The following DGKB variants were observed in gnomAD, a reference collection of about 807,000 sequenced individuals.
DGKB encodes the protein diacylglycerol kinase beta, also known as 90 kDa diacylglycerol kinase.
DGKB carries 67 observed loss-of-function variants against 114.3 expected under a neutral mutation model. That is an observed-to-expected ratio of 0.59 (90% CI 0.48 to 0.72). The LOEUF (loss-of-function observed/expected upper bound fraction) is 0.72, where lower values mean the gene tolerates loss of function less well. Ranked by LOEUF, DGKB falls within the 30% of genes least tolerant of loss-of-function variation. The probability of loss-of-function intolerance (pLI) is 0.00; values close to 1 mark genes in which losing one functional copy is unlikely to be tolerated. For missense variants in DGKB, 907 were observed against 975.2 expected (o/e 0.93, Z 0.93); for synonymous variants, 398 against 323.1 (o/e 1.23, Z -2.49).
intron 21 of DGKB, among the ~76,000 whole-genome samples, chr7:14,402,467 A>G (rs2128728487): frequency 6.6e-6 from 1 of 151,900 alleles, no homozygotes; most frequent in Non-Finnish European, 1.5e-5. Context: ...CTAGTCTACA[A>G]TTTAGGAATT....
rs201521930 is a variant in DGKB, at chr7:14,825,014, A to ATGTGTG, written c.70+16179_70+16180insCACACA. Among the ~76,000 whole-genome samples, 298 of 77,984 alleles carry ATGTGTG rather than the reference A, an allele frequency of 3.8e-3. 3 individuals are homozygous for ATGTGTG. The highest frequency in any genetic ancestry group is 0.018 in the African/African-American group (292 of 16,306). 51.2% of individuals were successfully genotyped at this position (77,984 alleles called of 152,430 possible). On this transcript the variant is annotated intron_variant, in intron 2 of 25. Transcript: ENST00000402815. ...TGTGTGTATATATATATGTATGTGTATGTATATATATATATATATATATAT... is the reference window on the plus strand; with the variant it reads ...TGTGTGTATATATATATGTATGTGTATGTGTGTGTATATATATATATATATATATAT...
intron 23 of DGKB, among the ~76,000 whole-genome samples, chr7:14,201,638 A>C (rs1785904409): frequency 6.6e-6 from 1 of 151,926 alleles, no homozygotes; most frequent in South Asian, 2.1e-4. Context: ...GGGGAAAAGC[A>C]AGTAGGAAAG....
chr7:14,522,261 T>C (rs1789908214), intron 20 of DGKB, among the ~76,000 whole-genome samples: 1 of 152,150 alleles, frequency 6.6e-6, no homozygotes, highest in Non-Finnish European at 1.5e-5. Context: ...CGCACATGCA[T>C]AGATAGGCTT....
intron 1 of DGKB, among the ~76,000 whole-genome samples, chr7:14,948,553 G>C (rs1372785476): frequency 6.6e-6 from 1 of 151,848 alleles, no homozygotes; most frequent in East Asian, 1.9e-4. Context: ...TTCCAGGAAT[G>C]TGAAGAAGTT....
chr7:14,335,347 A>G (rs1451153765), intron 23 of DGKB, among the ~76,000 whole-genome samples: 6 of 152,168 alleles, frequency 3.9e-5, no homozygotes, highest in Non-Finnish European at 7.4e-5. Context: ...AAATAAAATA[A>G]TTACCTTTAT....
intron 23 of DGKB, among the ~76,000 whole-genome samples, chr7:14,334,358 A>C (rs1222386369): frequency 7.9e-6 from 1 of 126,660 alleles, no homozygotes; most frequent in African/African-American, 3.1e-5. Context: ...ATATGTATAT[A>C]CATATGTGTG....
At position 14,753,418 on chromosome 7, in the gene DGKB, C is replaced by T. The variant is rs1023709993; in HGVS notation, c.168+510G>A. Among the ~76,000 whole-genome samples the T allele has an allele frequency of 9.9e-5, 15 of 152,200 alleles. 1 individual carries two copies. The East Asian group carries it at 2.9e-3, about 29-fold the overall frequency. On this transcript the variant is annotated intron_variant, in intron 4 of 25. Coordinates refer to ENST00000402815, the MANE Select transcript of DGKB (RefSeq NM_001350709.2). ...AGATTTTCAGGGAGAGTGGTTGAAG[C>T]AACAGATTGAATAATCTTCCCAGGA...
rs11983049 is a variant in DGKB at position 14,942,613 on chromosome 7, T to G, written c.-188+32083A>C. The stretch of plus-strand genomic sequence containing the variant: ...ACCTGGTATCTCTTCCATCTACCAC[T>G]CTTCCTCCAGTTTAAAGCGCTCCGG... On this transcript the variant is annotated intron_variant, in intron 1 of 4. Transcript: ENST00000437998. Among the ~76,000 whole-genome samples the G allele has an allele frequency of 2.9e-3, 437 of 152,098 alleles. 2 individuals are homozygous for G. The highest frequency in any genetic ancestry group is 9.9e-3 in the African/African-American group (410 of 41,536).
intron 25 of DGKB, among the ~76,000 whole-genome samples, chr7:14,160,516 G>C (rs1484625093): frequency 6.6e-6 from 1 of 152,118 alleles, no homozygotes; most frequent in East Asian, 1.9e-4. Flanking sequence ...ATTGGCAATT[G>C]CTACAAAGAG....
chr7:14,519,803 A>C lies in DGKB; in HGVS notation c.1771-41578T>G, dbSNP rs528710407. Among the ~76,000 whole-genome samples the C allele has an allele frequency of 1.2e-3, 177 of 152,088 alleles. 1 individual carries two copies. The highest frequency in any genetic ancestry group is 4.2e-3 in the African/African-American group (176 of 41,538). The stretch of plus-strand genomic sequence containing the variant: ...TTAATTTGCATTTCTTTAATTATTA[A>C]TAATGTTGATCACATCTTCATTTTC... On this transcript the variant is annotated intron_variant, in intron 20 of 25. Coordinates refer to ENST00000402815, the MANE Select transcript of DGKB (RefSeq NM_001350709.2).
chr7:14,744,069 A>G (rs536150668), intron 4 of DGKB, among the ~76,000 whole-genome samples: 22 of 152,278 alleles, frequency 1.4e-4, no homozygotes, highest in African/African-American at 5.1e-4. Flanking sequence ...TGCTTGAAAC[A>G]TTGCTGGTCC....
In DGKB at chr7:14,154,281, G is replaced by A. The variant is rs951768771; in HGVS notation, c.2305-5043C>T. Among the ~76,000 whole-genome samples, 5 of 150,954 alleles carry A rather than the reference G, an allele frequency of 3.3e-5. No individual in the cohort carries two copies. In the East Asian group the frequency reaches 5.9e-4, roughly 18 times the overall value. The stretch of plus-strand genomic sequence containing the variant: ...GCTTTACAGGAAAGAAAATGTGATC[G>A]TGGGTTAGTACTTGGTTCTGCAGTT... On this transcript the variant is annotated intron_variant, in intron 25 of 25. Transcript: ENST00000402815.
At chr7:14,466,749 C>T (rs913798017) in intron 21 of DGKB, among the ~76,000 whole-genome samples, 1 of 151,942 alleles carries the variant, frequency 6.6e-6, no homozygotes, top group Non-Finnish European at 1.5e-5. Flanking sequence ...ACCTGGGAGG[C>T]GGAGGTTGCA....
chr7:14,383,635 T>G (rs1432815870), intron 21 of DGKB, among the ~76,000 whole-genome samples: 1 of 152,136 alleles, frequency 6.6e-6, no homozygotes, highest in Non-Finnish European at 1.5e-5. Context: ...ACCAGGCCAG[T>G]AGAATGAAGA....
At chr7:14,543,092 T>C (rs767210335) in intron 20 of DGKB, among the ~76,000 whole-genome samples, 27 of 152,204 alleles carry the variant, frequency 1.8e-4, no homozygotes, top group Non-Finnish European at 2.6e-4. Flanking sequence ...AAATAATGTA[T>C]ACACAATGAT....
chr7:14,181,038 T>C (rs972642917), intron 23 of DGKB, among the ~76,000 whole-genome samples: 3 of 152,122 alleles, frequency 2.0e-5, no homozygotes, highest in African/African-American at 7.2e-5. Flanking sequence ...CAATTAAGAA[T>C]GGTTTTATAT....
rs542550343 is a variant in DGKB at position 14,588,139 on chromosome 7, G to A, written c.1434-5002C>T. Among the ~76,000 whole-genome samples the A allele has an allele frequency of 7.2e-5, 11 of 152,046 alleles. No homozygotes were observed. The South Asian group carries it at 1.9e-3, about 26-fold the overall frequency. ...ATCCATTCTCTTTAACACTTGTCAC[G>A]CTTTTTCATTTTATTTCTTATTTTT... is the stretch of plus-strand genomic sequence containing the variant. On this transcript the variant is annotated intron_variant, in intron 17 of 25. Coordinates refer to ENST00000402815, the MANE Select transcript of DGKB (RefSeq NM_001350709.2).
At chr7:14,472,262 G>C (rs1478019915) in intron 21 of DGKB, among the ~76,000 whole-genome samples, 2 of 152,118 alleles carry the variant, frequency 1.3e-5, no homozygotes, top group Non-Finnish European at 2.9e-5. Flanking sequence ...CTGAATCATG[G>C]AGGCAGGTCT....
chr7:14,731,175 C>T (rs1025823092), intron 5 of DGKB, among the ~76,000 whole-genome samples: 1 of 151,996 alleles, frequency 6.6e-6, no homozygotes, highest in Non-Finnish European at 1.5e-5. Context: ...ATGCTATTCA[C>T]CAAAATAGAA....
Sources: gnomAD v4.1 joint callset for allele counts (sites outside exome capture counted in the v4.1 genomes callset) on GRCh38, gnomAD v4.1.1 for gene constraint, MANE v1.5 for transcripts, NCBI Gene and HGNC (gene_info 2026-07-23, HGNC 2026-07-21) for gene names.